Variants in CDH18 observed in about 807,000 individuals in gnomAD.
CDH18 encodes the protein cadherin-18.
In CDH18, 31 loss-of-function variants were observed where a neutral mutation model predicts 67.9. That is an observed-to-expected ratio of 0.46 (90% CI 0.34 to 0.62). The LOEUF is 0.62. Ranked by LOEUF, CDH18 falls within the 20% of genes least tolerant of loss-of-function variation. The probability of loss-of-function intolerance (pLI) is 0.01; values close to 1 mark genes in which losing one functional copy is unlikely to be tolerated. For synonymous variants in CDH18, 362 were observed against 347.2 expected (o/e 1.04, Z -0.48); for missense variants, 890 against 975.5 (o/e 0.91, Z 1.17).
intron 2 of CDH18, among the ~76,000 whole-genome samples, chr5:19,976,429 AGT>A (rs1429158672): frequency 2.6e-5 from 4 of 152,126 alleles, no homozygotes; most frequent in South Asian, 2.1e-4. Flanking sequence ...GAGTGGACAC[AGT>A]AGTAAACTAA....
At position 19,613,800 on chromosome 5, in the gene CDH18, T is replaced by C. The variant is rs567893698; in HGVS notation, c.644-1199A>G. On this transcript the variant is annotated intron_variant, in intron 5 of 12. Coordinates refer to ENST00000382275, the MANE Select transcript of CDH18 (RefSeq NM_004934.5). ...GAATATTGTCCTCATGTCCATGAGA[T>C]AGATTATAAACATGTGTATAAATAT... Among the ~76,000 whole-genome samples the C allele has an allele frequency of 3.9e-5, 6 of 152,284 alleles. No homozygotes were observed. The East Asian group carries it at 5.8e-4, about 15-fold the overall frequency.
At chr5:20,158,856 A>G (rs572917383) in intron 2 of CDH18, 3 of 201,054 alleles carry the variant, frequency 1.5e-5, no homozygotes, top group African/African-American at 4.7e-5. Flanking sequence ...TCATTAGCCA[A>G]CTGCACAAAA....
At chr5:20,113,029 T>C (rs1747606644) in intron 2 of CDH18, among the ~76,000 whole-genome samples, 1 of 152,222 alleles carries the variant, frequency 6.6e-6, no homozygotes, top group Admixed American at 6.5e-5. Flanking sequence ...ATTACAATCA[T>C]TGTTTCTTCT....
chr5:19,830,149 G>A (rs1780853942), intron 3 of CDH18, among the ~76,000 whole-genome samples: 1 of 152,044 alleles, frequency 6.6e-6, no homozygotes. Flanking sequence ...TTATGATGAA[G>A]CTGCCAAAAG....
chr5:19,784,752 A>T (rs186439763), intron 3 of CDH18, among the ~76,000 whole-genome samples: 1 of 152,278 alleles, frequency 6.6e-6, no homozygotes, highest in East Asian at 1.9e-4. Flanking sequence ...TCTTGGATCT[A>T]GGAGAGACTA....
Position 20,224,843 on chromosome 5 carries a change from C to G in CDH18, c.-518+30601G>C, listed in dbSNP as rs560235053. 1.5e-4 allele frequency among the ~76,000 whole-genome samples: 23 copies of G among 152,138 alleles called. 1 individual carries two copies. In the South Asian group the frequency reaches 4.6e-3, roughly 30 times the overall value. On this transcript the variant is annotated intron_variant, in intron 2 of 14. Coordinates refer to the CDH18 transcript ENST00000507958. ...GCATATACCAGAAAATTGACAATTTCTTTAATATTATATTGTGTCACAAAC... is the reference window on the plus strand; with the variant it reads ...GCATATACCAGAAAATTGACAATTTGTTTAATATTATATTGTGTCACAAAC...
At chr5:19,585,399 G>A (rs899499106) in intron 7 of CDH18, among the ~76,000 whole-genome samples, 4 of 152,096 alleles carry the variant, frequency 2.6e-5, no homozygotes, top group African/African-American at 7.2e-5. Flanking sequence ...ACACAGGAAC[G>A]CCACCACTGC....
intron 2 of CDH18, among the ~76,000 whole-genome samples, chr5:19,927,606 G>A (rs1039863570): frequency 1.3e-5 from 2 of 152,074 alleles, no homozygotes; most frequent in Admixed American, 6.6e-5. Context: ...TTATTATGAT[G>A]TATATTATTT....
At chr5:20,491,502 A>T (rs1359885085) in intron 1 of CDH18, among the ~76,000 whole-genome samples, 3 of 152,206 alleles carry the variant, frequency 2.0e-5, no homozygotes, top group Non-Finnish European at 1.5e-5. Flanking sequence ...CCAGTCCAAA[A>T]TCTGCCAGAT....
chr5:20,435,214 A>G (rs986506101), intron 1 of CDH18, among the ~76,000 whole-genome samples: 2 of 152,024 alleles, frequency 1.3e-5, no homozygotes, highest in African/African-American at 4.8e-5. Context: ...AAGGCAGCTG[A>G]GTGTGTCAAC....
At chr5:20,335,397 T>A (rs116542077) in intron 1 of CDH18, among the ~76,000 whole-genome samples, 3,264 of 152,180 alleles carry the variant, frequency 0.021, 80 homozygotes, top group African/African-American at 0.056. Context: ...TTATTATTAT[T>A]GTATTGTTGT....
At chr5:20,076,995 A>G (rs1004646445) in intron 2 of CDH18, among the ~76,000 whole-genome samples, 7 of 152,192 alleles carry the variant, frequency 4.6e-5, no homozygotes, top group Non-Finnish European at 1.0e-4. Flanking sequence ...TCTGCCAAAT[A>G]CAACAAATTC....
intron 3 of CDH18, among the ~76,000 whole-genome samples, chr5:19,750,427 G>A (rs995627777): frequency 1.3e-5 from 2 of 152,080 alleles, no homozygotes; most frequent in African/African-American, 2.4e-5. Flanking sequence ...TGAAATAGGT[G>A]AATAATAAGG....
chr5:19,859,277 T>G (rs1003739845), intron 2 of CDH18, among the ~76,000 whole-genome samples: 12 of 152,116 alleles, frequency 7.9e-5, no homozygotes, highest in African/African-American at 2.9e-4. Flanking sequence ...AATATTAAAA[T>G]AGAGATCTTA....
chr5:20,557,294 G>A (rs1185850981), intron 1 of CDH18, among the ~76,000 whole-genome samples: 4 of 151,514 alleles, frequency 2.6e-5, no homozygotes, highest in Admixed American at 6.6e-5. Context: ...AGAGATCGGC[G>A]AAAAAAATGT....
chr5:19,745,248 T>G (rs1769830360), intron 4 of CDH18, among the ~76,000 whole-genome samples: 1 of 152,198 alleles, frequency 6.6e-6, no homozygotes, highest in South Asian at 2.1e-4. Flanking sequence ...TTGTTGTTAT[T>G]TACTTATTTG....
rs767501699 is a variant in CDH18, at chr5:19,591,253, C to T, written c.812-9G>A. ...ATATAGCTGATAGTGTTCTGGAAGA[C>T]ATTTCATATTAAACATATTTAAATA... On this transcript the variant is annotated splice_polypyrimidine_tract_variant and intron_variant, in intron 6 of 12. Coordinates refer to ENST00000382275, the MANE Select transcript of CDH18 (RefSeq NM_004934.5). 4.5e-6 allele frequency: 7 copies of T among 1,547,406 alleles called. No individual in the cohort carries two copies. Among genetic ancestry groups the T allele is most frequent in the Non-Finnish European group, 8.7e-7 (1 of 1,145,118 alleles).
intron 2 of CDH18, among the ~76,000 whole-genome samples, chr5:19,954,863 A>AG (rs1491312650): frequency 6.6e-6 from 1 of 151,776 alleles, no homozygotes; most frequent in African/African-American, 2.4e-5. Context: ...AAAAAAAAAA[A>AG]GAGTTATTGG....
In CDH18 at chr5:19,472,032, T is replaced by C. The variant is rs1459615194; in HGVS notation, c.*1194A>G. 6.6e-6 allele frequency among the ~76,000 whole-genome samples: 1 copy of C among 152,116 alleles called. No homozygotes were observed. Among genetic ancestry groups the C allele is most frequent in the East Asian group, 1.9e-4 (1 of 5,180 alleles). ...GAACACAGAGACTTTCGGAAACATA[T>C]CTGAGGATAATAACTGTGAATCTCC... On this transcript the variant is annotated 3_prime_UTR_variant, in exon 13 of 13. Coordinates refer to ENST00000382275, the MANE Select transcript of CDH18 (RefSeq NM_004934.5).
Sources: gnomAD v4.1 joint callset for allele counts (sites outside exome capture counted in the v4.1 genomes callset) on GRCh38, gnomAD v4.1.1 for gene constraint, MANE v1.5 for transcripts, NCBI Gene and HGNC (gene_info 2026-07-23, HGNC 2026-07-21) for gene names.